Variants in ABCB5 observed in about 807,000 individuals in gnomAD.
ABCB5 encodes the protein ATP-binding cassette sub-family B member 5.
A neutral mutation model predicts 144.2 loss-of-function variants in ABCB5; 155 were observed. That is an observed-to-expected ratio of 1.08 (90% CI 0.94 to 1.23). The LOEUF (loss-of-function observed/expected upper bound fraction) is 1.23. ABCB5 is among the 50% of genes most tolerant of loss of function. ABCB5 has a pLI of 0.00. For synonymous variants in ABCB5, 610 were observed against 528.6 expected (o/e 1.15, Z -2.11); for missense variants, 1,830 against 1,520.8 (o/e 1.20, Z -3.38).
At position 20,711,820 on chromosome 7, in the gene ABCB5, C is replaced by CTTTCTT. The variant is rs1372348281; in HGVS notation, c.2421+7015_2421+7020dup. ...TCTTTCTTTCTTTCTTTCTTTCTTT[C>CTTTCTT]TTTCTTTCTTTCTTTCTTTCTTTCT... On this transcript the variant is annotated intron_variant, in intron 20 of 27. Coordinates refer to ENST00000404938, the MANE Select transcript of ABCB5 (RefSeq NM_001163941.2). Among the ~76,000 whole-genome samples the CTTTCTT allele has an allele frequency of 2.3e-4, 12 of 52,414 alleles. 3 individuals are homozygous for CTTTCTT. The highest frequency in any genetic ancestry group is 1.5e-4 in the Non-Finnish European group (5 of 33,544). 34.4% of individuals were successfully genotyped at this position (52,414 alleles called of 152,430 possible).
rs149878486 is a variant in ABCB5 at position 20,723,036 on chromosome 7, C to A, written c.2442C>A (p.Gly814=). 10 of 1,613,878 alleles carry A rather than the reference C, an allele frequency of 6.2e-6. No individual in the cohort carries two copies. Among genetic ancestry groups the A allele is most frequent in the Non-Finnish European group, 8.5e-6 (10 of 1,179,998 alleles). ...QIQGATGSRI[G]VLTQNATNMG... ...TATAGGCAACAGGTTCCAGGATTGGCGTCTTAACACAAAATGCAACTAACA... is the reference window on the plus strand; with the variant it reads ...TATAGGCAACAGGTTCCAGGATTGGAGTCTTAACACAAAATGCAACTAACA... Residue 814 remains glycine, a synonymous_variant, in exon 21 of 28, where the codon GGC becomes GGA. Transcript: ENST00000404938.
At chr7:20,660,611 C>T (rs1216049377) in intron 14 of ABCB5, among the ~76,000 whole-genome samples, 3 of 152,132 alleles carry the variant, frequency 2.0e-5, no homozygotes, top group African/African-American at 4.8e-5. Context: ...GTTATGGAAC[C>T]AAGCCCTTGG....
At chr7:20,615,880 A>C (rs1783672496) in intron 1 of ABCB5, 43 bp downstream of exon 1, 1 of 152,332 alleles carries the variant, frequency 6.6e-6, no homozygotes, top group Admixed American at 6.5e-5. Flanking sequence ...AAACAATTGA[A>C]GCTTGTGAAG....
intron 15 of ABCB5, among the ~76,000 whole-genome samples, chr7:20,684,727 T>C (rs190460773): frequency 6.6e-6 from 1 of 152,360 alleles, no homozygotes; most frequent in East Asian, 1.9e-4. Flanking sequence ...GATGTTTGGA[T>C]AGTCCGGGGC....
At chr7:20,690,830 G>A (rs1016192110) in intron 16 of ABCB5, among the ~76,000 whole-genome samples, 3 of 152,132 alleles carry the variant, frequency 2.0e-5, no homozygotes, top group African/African-American at 7.2e-5. Context: ...ACCCAGGAGA[G>A]TGTTGTATCA....
Position 20,643,257 on chromosome 7 carries a change from ATAAC to A in ABCB5, c.390_393del (p.Ile130MetfsTer37). The A allele has an allele frequency of 6.2e-7, 1 of 1,613,838 alleles. No homozygotes were observed. The highest frequency in any genetic ancestry group is 8.5e-7 in the Non-Finnish European group (1 of 1,179,804). ...TTACATACAGATTTCCTTGTGGATT[ATAAC>A]TGCAGCACGACAGACCAAGAGGATT... On this transcript the variant is annotated frameshift_variant, in exon 6 of 28. Transcript: ENST00000404938. LOFTEE classifies it high-confidence loss of function.
intron 20 of ABCB5, among the ~76,000 whole-genome samples, chr7:20,715,333 G>A (rs1328452787): frequency 3.3e-5 from 5 of 151,542 alleles, no homozygotes; most frequent in African/African-American, 9.7e-5. Context: ...GGTGTGAGCC[G>A]CCGCGCATGG....
intron 11 of ABCB5, among the ~76,000 whole-genome samples, chr7:20,649,760 G>A (rs1220305689): frequency 2.0e-5 from 3 of 152,150 alleles, no homozygotes; most frequent in African/African-American, 7.2e-5. Context: ...AGTTGAAAAT[G>A]TGAACAGTTT....
intron 14 of ABCB5, chr7:20,658,944 T>A: frequency 8.6e-7 from 1 of 1,165,874 alleles, no homozygotes. Context: ...TTCCAAGTGG[T>A]TTGCACTTTC....
chr7:20,740,451 A>G (rs1268477560), intron 24 of ABCB5, among the ~76,000 whole-genome samples: 5 of 152,174 alleles, frequency 3.3e-5, no homozygotes, highest in African/African-American at 1.2e-4. Context: ...AGAGCTACAC[A>G]ATGGTTAAGA....
chr7:20,664,240 C>CT (rs1207632890), intron 14 of ABCB5, among the ~76,000 whole-genome samples: 1 of 152,158 alleles, frequency 6.6e-6, no homozygotes, highest in South Asian at 2.1e-4. Flanking sequence ...CACAACTAGC[C>CT]TTTTTTGGAA....
At chr7:20,724,012 C>T (rs1449784431) in intron 21 of ABCB5, among the ~76,000 whole-genome samples, 1 of 152,060 alleles carries the variant, frequency 6.6e-6, no homozygotes, top group Non-Finnish European at 1.5e-5. Flanking sequence ...TTGAAAGAGA[C>T]ATCATCTGAC....
At chr7:20,711,864 TCCTC>T (rs1260119525) in intron 20 of ABCB5, among the ~76,000 whole-genome samples, 5,561 of 42,052 alleles carry the variant, frequency 0.13, 952 homozygotes, top group East Asian at 0.39. Context: ...TTTCTTTCCT[TCCTC>T]CCTCCCTCCC....
Position 20,722,661 on chromosome 7 carries a change from A to C in ABCB5, c.2422-355A>C, listed in dbSNP as rs557152648. Among the ~76,000 whole-genome samples, 5 of 152,166 alleles carry C rather than the reference A, an allele frequency of 3.3e-5. No homozygotes were observed. The South Asian group carries it at 1.0e-3, about 32-fold the overall frequency. On this transcript the variant is annotated intron_variant, in intron 20 of 27. Coordinates refer to ENST00000404938, the MANE Select transcript of ABCB5 (RefSeq NM_001163941.2). The stretch of plus-strand genomic sequence containing the variant: ...ATGGCGAAACCCCATCTCTACTAAA[A>C]ATATAAAAAAATTAGCTGGGCTTGG...
chr7:20,745,432 C>T lies in ABCB5; in HGVS notation c.3423C>T (p.Leu1141=), dbSNP rs763544680. ...ATATCCATTCTTTTATTGAAGGTCT[C>T]CCTGAGGTAAGAAAATTTCTGAAAT... ...AANIHSFIEG[L]PEKYNTQVGL... Residue 1141 remains leucine, a synonymous_variant, in exon 26 of 28, where the codon CTC becomes CTT. Coordinates refer to ENST00000404938, the MANE Select transcript of ABCB5 (RefSeq NM_001163941.2). 1.3e-4 allele frequency: 202 copies of T among 1,613,846 alleles called. No individual in the cohort carries two copies. The highest frequency in any genetic ancestry group is 1.7e-4 in the Non-Finnish European group (197 of 1,179,978).
In ABCB5 at chr7:20,648,052, A is replaced by G. The variant is rs764585719; in HGVS notation, c.1180A>G (p.Asn394Asp). The G allele has an allele frequency of 6.2e-7, 1 of 1,606,188 alleles. No homozygotes were observed. The highest frequency in any genetic ancestry group is 2.2e-5 in the East Asian group (1 of 44,788). ...TGTGGAATTTAAAAATGTTTCTTTC[A>G]ATTATCCATCAAGACCATCTATCAA... ...GTVEFKNVSF[N>D]YPSRPSIKIL... The change falls in exon 11 of 28, where the codon AAT becomes GAT. Residue 394 changes from asparagine to aspartate, a missense_variant. Coordinates refer to ENST00000404938, the MANE Select transcript of ABCB5 (RefSeq NM_001163941.2).
At chr7:20,740,608 A>G (rs1782531323) in intron 24 of ABCB5, among the ~76,000 whole-genome samples, 1 of 152,142 alleles carries the variant, frequency 6.6e-6, no homozygotes, top group South Asian at 2.1e-4. Flanking sequence ...TTTAAGATTT[A>G]TATGTATAAC....
intron 13 of ABCB5, among the ~76,000 whole-genome samples, chr7:20,655,315 T>G (rs1784746905): frequency 6.6e-6 from 1 of 151,898 alleles, no homozygotes; most frequent in African/African-American, 2.4e-5. Flanking sequence ...CTACTAAAAA[T>G]ACAAAAAATT....
chr7:20,689,981 T>C (rs1786160266), intron 16 of ABCB5, among the ~76,000 whole-genome samples: 1 of 152,158 alleles, frequency 6.6e-6, no homozygotes, highest in South Asian at 2.1e-4. Context: ...GAGGGACCGG[T>C]TCATGCAGGG....
Sources: allele counts gnomAD v4.1 joint callset (sites outside exome capture counted in the v4.1 genomes callset), GRCh38; gene constraint gnomAD v4.1.1; transcripts MANE v1.5; gene names NCBI Gene and HGNC (gene_info 2026-07-23, HGNC 2026-07-21).